Variants in SLC10A7 observed in about 807,000 individuals in gnomAD.
SLC10A7 encodes sodium/bile acid cotransporter 7.
A neutral mutation model predicts 43.2 loss-of-function variants in SLC10A7; 29 were observed. That is an observed-to-expected ratio of 0.67 (90% CI 0.50 to 0.92). The LOEUF (loss-of-function observed/expected upper bound fraction) is 0.92. Ranked by LOEUF, SLC10A7 falls within the 40% of genes least tolerant of loss-of-function variation. SLC10A7 has a pLI of 0.00. For synonymous variants in SLC10A7, 152 were observed against 144.8 expected, an observed-to-expected ratio of 1.05 and a Z score of -0.35; for missense variants, 295 against 403.2, an observed-to-expected ratio of 0.73 and a Z score of 2.30.
At chr4:146,285,578 G>A (rs1214879938) in intron 9 of SLC10A7, among the ~76,000 whole-genome samples, 1 of 152,206 alleles carries the variant, frequency 6.6e-6, no homozygotes, top group Non-Finnish European at 1.5e-5. Context: ...TTGAACACAA[G>A]CTAGGGGATA....
intron 5 of SLC10A7, among the ~76,000 whole-genome samples, chr4:146,346,582 T>C (rs910643394): frequency 6.6e-6 from 1 of 152,182 alleles, no homozygotes; most frequent in African/African-American, 2.4e-5. Flanking sequence ...CTCGGTTTAA[T>C]TTCAATTATA....
intron 4 of SLC10A7, among the ~76,000 whole-genome samples, chr4:146,474,181 C>G (rs1733843343): frequency 6.6e-6 from 1 of 150,946 alleles, no homozygotes; most frequent in African/African-American, 2.4e-5. Context: ...AAATCCTGAG[C>G]TATTTAATAG....
At position 146,263,700 on chromosome 4, in the gene SLC10A7, G is replaced by A. The variant is rs532958096; in HGVS notation, c.848-4863C>T. ...AGATGGCATTTGACTTTATGGAAGT[G>A]AACACTATGCACGCATTTACAATTT... On this transcript the variant is annotated intron_variant, in intron 10 of 11. Transcript: ENST00000335472. 5.9e-5 allele frequency among the ~76,000 whole-genome samples: 9 copies of A among 152,276 alleles called. No homozygotes were observed. The South Asian group carries it at 1.9e-3, about 32-fold the overall frequency.
At chr4:146,489,867 C>A (rs1735238485) in intron 4 of SLC10A7, among the ~76,000 whole-genome samples, 1 of 152,140 alleles carries the variant, frequency 6.6e-6, no homozygotes, top group Admixed American at 6.5e-5. Flanking sequence ...CTCTATTGGT[C>A]CCTTTATTAT....
intron 5 of SLC10A7, among the ~76,000 whole-genome samples, chr4:146,429,351 GAA>G (rs1729604320): frequency 6.6e-6 from 1 of 152,088 alleles, no homozygotes; most frequent in African/African-American, 2.4e-5. Flanking sequence ...TCAGATAAAT[GAA>G]GAGAGATTAA....
chr4:146,289,932 T>C (rs1242035749), intron 9 of SLC10A7, among the ~76,000 whole-genome samples: 2 of 149,888 alleles, frequency 1.3e-5, no homozygotes, highest in African/African-American at 4.9e-5. Context: ...GCCTGGCTGG[T>C]TTTGAACTCC....
intron 6 of SLC10A7, among the ~76,000 whole-genome samples, chr4:146,314,924 C>A (rs1413342373): frequency 6.6e-6 from 1 of 152,118 alleles, no homozygotes; most frequent in African/African-American, 2.4e-5. Flanking sequence ...CCTTAGACTG[C>A]AATTACACAG....
chr4:146,345,860 T>C (rs935518704), intron 5 of SLC10A7, among the ~76,000 whole-genome samples: 1 of 152,138 alleles, frequency 6.6e-6, no homozygotes, highest in Non-Finnish European at 1.5e-5. Flanking sequence ...TTATTAAGCA[T>C]TCCTCCTAGA....
intron 5 of SLC10A7, among the ~76,000 whole-genome samples, chr4:146,356,039 TA>T (rs58931920): frequency 0.32 from 44,953 of 139,552 alleles, 7,318 homozygotes; most frequent in East Asian, 0.42. Context: ...TAAAGTATAA[TA>T]AAAAAAAAAA....
At chr4:146,462,719 C>T (rs183653078) in intron 4 of SLC10A7, among the ~76,000 whole-genome samples, 19 of 152,240 alleles carry the variant, frequency 1.2e-4, no homozygotes, top group Non-Finnish European at 7.4e-5. Context: ...GTGAGCCATG[C>T]AATAGCTGTA....
At chr4:146,485,874 GA>G (rs1164195201) in intron 4 of SLC10A7, among the ~76,000 whole-genome samples, 2 of 152,108 alleles carry the variant, frequency 1.3e-5, no homozygotes, top group African/African-American at 4.8e-5. Context: ...GAGAGACAAT[GA>G]CGAAAGAAAA....
intron 4 of SLC10A7, among the ~76,000 whole-genome samples, chr4:146,490,772 C>T (rs1735327644): frequency 6.6e-6 from 1 of 152,152 alleles, no homozygotes. Context: ...ATTCTATCCC[C>T]TCTTTATTCT....
rs530185250 is a variant in SLC10A7, at chr4:146,366,638, A to T, written c.436-40642T>A. On this transcript the variant is annotated intron_variant, in intron 5 of 11. Transcript: ENST00000335472. Reference sequence around the variant, plus strand: ...ACTTTTGAAAGACTAGAAAATACATAAAGTTGTTAAAAGTGATGGCTGCTC... The same window carrying T: ...ACTTTTGAAAGACTAGAAAATACATTAAGTTGTTAAAAGTGATGGCTGCTC... Among the ~76,000 whole-genome samples the T allele has an allele frequency of 5.3e-5, 8 of 152,344 alleles. No homozygotes were observed. The East Asian group carries it at 1.2e-3, about 22-fold the overall frequency.
intron 4 of SLC10A7, among the ~76,000 whole-genome samples, chr4:146,466,478 T>C (rs1242349454): frequency 6.6e-6 from 1 of 151,928 alleles, no homozygotes; most frequent in African/African-American, 2.4e-5. Flanking sequence ...CTGAATTTCA[T>C]TTTTTCCCCC....
chr4:146,380,734 A>C (rs1317467541), intron 5 of SLC10A7, among the ~76,000 whole-genome samples: 1 of 152,054 alleles, frequency 6.6e-6, no homozygotes, highest in Non-Finnish European at 1.5e-5. Context: ...AAATATACAA[A>C]CTGGCACATT....
At position 146,299,857 on chromosome 4, in the gene SLC10A7, C is replaced by A. The variant is rs573243924; in HGVS notation, c.556-5762G>T. On this transcript the variant is annotated intron_variant, in intron 7 of 11. Coordinates refer to ENST00000335472, the MANE Select transcript of SLC10A7 (RefSeq NM_001029998.6). ...CTCTCTGAGAAGCAAAGCTCAGCTG[C>A]TCCAGTAGAAGCGGGGTTGGGCCTT... Among the ~76,000 whole-genome samples, 3 of 152,258 alleles carry A rather than the reference C, an allele frequency of 2.0e-5. No homozygotes were observed. The East Asian group carries it at 5.8e-4, about 29-fold the overall frequency.
chr4:146,416,357 C>T (rs2679156), intron 5 of SLC10A7, among the ~76,000 whole-genome samples: 39,725 of 151,890 alleles, frequency 0.26, 5,919 homozygotes, highest in African/African-American at 0.41. Flanking sequence ...GAGTATATGA[C>T]GTACTTTAAA....
intron 10 of SLC10A7, among the ~76,000 whole-genome samples, chr4:146,276,344 T>C (rs1250579760): frequency 2.0e-5 from 3 of 152,158 alleles, no homozygotes; most frequent in Non-Finnish European, 4.4e-5. Context: ...GTTAGAGCAA[T>C]TGGCTGTTCC....
chr4:146,510,380 C>T (rs1018711869), intron 2 of SLC10A7, among the ~76,000 whole-genome samples: 3 of 151,856 alleles, frequency 2.0e-5, no homozygotes, highest in Non-Finnish European at 2.9e-5. Context: ...CTGCATCAGC[C>T]TCCTGAGTAG....
Sources: allele counts gnomAD v4.1 joint callset (sites outside exome capture counted in the v4.1 genomes callset), GRCh38; gene constraint gnomAD v4.1.1; transcripts MANE v1.5; gene names NCBI Gene and HGNC (gene_info 2026-07-23, HGNC 2026-07-21).